NOS1AP: variants seen among roughly 807,000 people sequenced by gnomAD.
NOS1AP encodes carboxyl-terminal PDZ ligand of neuronal nitric oxide synthase protein.
A neutral mutation model predicts 56.2 loss-of-function variants in NOS1AP; 21 were observed. The ratio of observed to expected loss-of-function variants is 0.37; its 90% CI spans 0.26 to 0.54. NOS1AP has a LOEUF of 0.54. Ranked by LOEUF, NOS1AP falls within the 20% of genes least tolerant of loss-of-function variation. NOS1AP has a pLI of 0.84. For missense variants in NOS1AP, 522 were observed against 657.8 expected (o/e 0.79, Z 2.26); for synonymous variants, 270 against 274.6 (o/e 0.98, Z 0.17).
At chr1:162,338,960 GTTCATTGCAT>G (rs1657021836) in intron 5 of NOS1AP, among the ~76,000 whole-genome samples, 1 of 152,212 alleles carries the variant, frequency 6.6e-6, no homozygotes, top group South Asian at 2.1e-4. Context: ...GAGAACAGCT[GTTCATTGCAT>G]TTGGACTTAA....
At position 162,359,723 on chromosome 1, in the gene NOS1AP, G is replaced by T. The variant is rs547391348; in HGVS notation, c.939+2587G>T. Reference sequence around the variant, plus strand: ...AGCAAGCTTGGTTTCTCTACGCGGGGGGGGGCTGATTTCAGTTTCCAGCAC... The same window carrying T: ...AGCAAGCTTGGTTTCTCTACGCGGGTGGGGGCTGATTTCAGTTTCCAGCAC... On this transcript the variant is annotated intron_variant, in intron 8 of 9. Transcript: ENST00000361897. Among the ~76,000 whole-genome samples, 210 of 151,424 alleles carry T rather than the reference G, an allele frequency of 1.4e-3. 2 individuals carry two copies. The South Asian group carries it at 0.021, about 15-fold the overall frequency.
intron 1 of NOS1AP, among the ~76,000 whole-genome samples, chr1:162,081,456 C>T (rs1487284996): frequency 1.3e-5 from 2 of 151,564 alleles, no homozygotes; most frequent in Non-Finnish European, 2.9e-5. Flanking sequence ...GGGTGTTATT[C>T]TTGGCTGGGC....
At chr1:162,204,502 G>A (rs754206504) in intron 2 of NOS1AP, among the ~76,000 whole-genome samples, 18 of 152,182 alleles carry the variant, frequency 1.2e-4, no homozygotes, top group Non-Finnish European at 2.4e-4. Context: ...CTGCCTAAGT[G>A]CAGCGAATGG....
chr1:162,362,444 C>CAAAAAAAAAAAAAAAAAAAAAAAAAAAA (rs11314295), intron 8 of NOS1AP, among the ~76,000 whole-genome samples: 1 of 134,356 alleles, frequency 7.4e-6, no homozygotes, highest in Non-Finnish European at 1.6e-5. Context: ...GAGTGAGTCT[C>CAAAAAAAAAAAAAAAAAAAAAAAAAAAA]AAAAAAAAAA....
At chr1:162,077,176 T>A (rs1342945500) in intron 1 of NOS1AP, among the ~76,000 whole-genome samples, 1 of 152,214 alleles carries the variant, frequency 6.6e-6, no homozygotes, top group Non-Finnish European at 1.5e-5. Context: ...TGTGGCTGCA[T>A]CGTTTTACCT....
intron 1 of NOS1AP, among the ~76,000 whole-genome samples, chr1:162,094,030 A>G (rs1692186601): frequency 6.6e-6 from 1 of 152,184 alleles, no homozygotes; most frequent in South Asian, 2.1e-4. Flanking sequence ...TAAGACCTCA[A>G]TAGGCGTAAG....
chr1:162,255,490 A>ATTTTTTTTTTTTTTTTTTT lies in NOS1AP; in HGVS notation c.178-31837_178-31819dup, dbSNP rs35637289. Among the ~76,000 whole-genome samples, 20 of 60,992 alleles carry ATTTTTTTTTTTTTTTTTTT rather than the reference A, an allele frequency of 3.3e-4. 1 individual carries two copies. Among genetic ancestry groups the ATTTTTTTTTTTTTTTTTTT allele is most frequent in the Non-Finnish European group, 4.6e-4 (13 of 28,172 alleles). 40.0% of individuals were successfully genotyped at this position (60,992 alleles called of 152,430 possible). ...ATGCATAGGTTATTTGCTGCTGCTG[A>ATTTTTTTTTTTTTTTTTTT]TTTTTTTTTTTTTTTTTTTTTTTTT... is the stretch of plus-strand genomic sequence containing the variant. On this transcript the variant is annotated intron_variant, in intron 2 of 9. Transcript: ENST00000361897.
chr1:162,296,057 C>T (rs1655447850), intron 3 of NOS1AP, among the ~76,000 whole-genome samples: 1 of 152,118 alleles, frequency 6.6e-6, no homozygotes, highest in Admixed American at 6.5e-5. Context: ...GAGGCCGAGG[C>T]AGGCGGATCA....
chr1:162,355,893 A>G (rs115792719), intron 7 of NOS1AP, among the ~76,000 whole-genome samples: 1 of 152,332 alleles, frequency 6.6e-6, no homozygotes, highest in African/African-American at 2.4e-5. Flanking sequence ...TGACTGTGGC[A>G]TCTGGGGGTT....
chr1:162,270,121 G>A (rs750914555), intron 2 of NOS1AP, among the ~76,000 whole-genome samples: 17 of 152,148 alleles, frequency 1.1e-4, no homozygotes, highest in Non-Finnish European at 1.8e-4. Context: ...TCCTTGCCTG[G>A]GATTATTCTG....
chr1:162,150,578 T>G (rs1304756342), intron 1 of NOS1AP, among the ~76,000 whole-genome samples: 3 of 152,206 alleles, frequency 2.0e-5, no homozygotes, highest in Non-Finnish European at 4.4e-5. Context: ...ACATTCCCAT[T>G]GATAGTATAC....
intron 2 of NOS1AP, among the ~76,000 whole-genome samples, chr1:162,178,198 G>A (rs1428548322): frequency 6.6e-6 from 1 of 152,012 alleles, no homozygotes; most frequent in Non-Finnish European, 1.5e-5. Context: ...TTTTAGTGCT[G>A]ATTAATATGC....
chr1:162,285,161 C>T (rs1438418554), intron 2 of NOS1AP, among the ~76,000 whole-genome samples: 1 of 152,180 alleles, frequency 6.6e-6, no homozygotes, highest in East Asian at 1.9e-4. Flanking sequence ...GTTTCTGGGA[C>T]TCTTCAGCCT....
intron 1 of NOS1AP, among the ~76,000 whole-genome samples, chr1:162,133,857 A>G (rs1181589983): frequency 6.6e-6 from 1 of 152,114 alleles, no homozygotes; most frequent in Non-Finnish European, 1.5e-5. Context: ...TGTTGTTATT[A>G]TTTTTTGTGG....
At chr1:162,130,517 G>A (rs142176141) in intron 1 of NOS1AP, among the ~76,000 whole-genome samples, 2 of 152,300 alleles carry the variant, frequency 1.3e-5, no homozygotes, top group Admixed American at 1.3e-4. Flanking sequence ...GACTATGCTG[G>A]CACCTGCTGA....
At chr1:162,339,115 T>C (rs1228752126) in intron 5 of NOS1AP, among the ~76,000 whole-genome samples, 1 of 152,186 alleles carries the variant, frequency 6.6e-6, no homozygotes, top group East Asian at 1.9e-4. Flanking sequence ...CCTTTCCAGC[T>C]GTATTTTCAC....
chr1:162,235,108 G>A (rs1246365514), intron 2 of NOS1AP, among the ~76,000 whole-genome samples: 1 of 151,582 alleles, frequency 6.6e-6, no homozygotes, highest in East Asian at 1.9e-4. Context: ...AGTACAGAGA[G>A]AGAGAAATTT....
At chr1:162,137,533 C>G (rs1188601054) in intron 1 of NOS1AP, among the ~76,000 whole-genome samples, 4 of 152,132 alleles carry the variant, frequency 2.6e-5, no homozygotes. Context: ...TCCAGGGACT[C>G]TGAGGCACTT....
intron 2 of NOS1AP, among the ~76,000 whole-genome samples, chr1:162,198,016 G>A (rs994589840): frequency 2.0e-5 from 3 of 152,244 alleles, no homozygotes; most frequent in Non-Finnish European, 2.9e-5. Context: ...GCCATGGGGC[G>A]AGTCATGGAG....
Sources: allele counts gnomAD v4.1 joint callset (sites outside exome capture counted in the v4.1 genomes callset), GRCh38; gene constraint gnomAD v4.1.1; transcripts MANE v1.5; gene names NCBI Gene and HGNC (gene_info 2026-07-23, HGNC 2026-07-21).